STEAP2: variants seen among roughly 807,000 people sequenced by gnomAD.
The protein encoded by STEAP2 is metalloreductase STEAP2.
In STEAP2, 30 loss-of-function variants were observed where a neutral mutation model predicts 46.4. The ratio of observed to expected loss-of-function variants is 0.65; its 90% CI spans 0.48 to 0.88. The LOEUF (loss-of-function observed/expected upper bound fraction) is 0.88. Ranked by LOEUF, STEAP2 falls within the 40% of genes least tolerant of loss-of-function variation. The probability of loss-of-function intolerance (pLI) is 0.00; values close to 1 mark genes in which losing one functional copy is unlikely to be tolerated. For synonymous variants in STEAP2, 180 were observed against 200.5 expected (o/e 0.90, Z 0.86); for missense variants, 513 against 579.3 (o/e 0.89, Z 1.18).
chr7:90,235,683 G>C lies in STEAP2; in HGVS notation c.*3059G>C. 1.1e-6 allele frequency: 1 copy of C among 899,330 alleles called. No homozygotes were observed. Among genetic ancestry groups the C allele is most frequent in the Non-Finnish European group, 1.3e-6 (1 of 751,866 alleles). 55.7% of individuals were successfully genotyped at this position (899,330 alleles called of 1,614,324 possible). Reference sequence around the variant, plus strand: ...ACCATGAGCTGTATCATGCTACTTAGCTTTTATGTAAATATTTCTTATGTC... The same window carrying C: ...ACCATGAGCTGTATCATGCTACTTACCTTTTATGTAAATATTTCTTATGTC... On this transcript the variant is annotated 3_prime_UTR_variant, in exon 6 of 6. Transcript: ENST00000394621.
chr7:90,232,957 A>T lies in STEAP2; in HGVS notation c.*333A>T, dbSNP rs1795822893. ...AGATATAATGTTAAAAACAATTTGC[A>T]AACCAGCAGAATTTTAAGCTTTTAA... On this transcript the variant is annotated 3_prime_UTR_variant, in exon 6 of 6. Transcript: ENST00000394621. 1 of 975,868 alleles carries T rather than the reference A, an allele frequency of 1.0e-6. No individual in the cohort carries two copies. The highest frequency in any genetic ancestry group is 1.2e-6 in the Non-Finnish European group (1 of 819,632). The allele number at this position is 975,868 out of a possible 1,614,324, so 60.5% of individuals were successfully genotyped here. A position where few individuals can be genotyped will look rare whatever the true frequency, so the allele number is the denominator to read the frequency against.
chr7:90,234,987 A>G lies in STEAP2; in HGVS notation c.*2363A>G. 7.2e-6 allele frequency: 7 copies of G among 970,094 alleles called. No individual in the cohort carries two copies. Among genetic ancestry groups the G allele is most frequent in the Non-Finnish European group, 7.4e-6 (6 of 815,886 alleles). 60.1% of individuals were successfully genotyped at this position (970,094 alleles called of 1,614,324 possible). A position where few individuals can be genotyped will look rare whatever the true frequency, so the allele number is the denominator to read the frequency against. ...TAACTTTTATGGGCAAAAACATTCT[A>G]TTATAGTGAACTAATGAAAATAACA... On this transcript the variant is annotated 3_prime_UTR_variant, in exon 6 of 6. Coordinates refer to ENST00000394621, the MANE Select transcript of STEAP2 (RefSeq NM_001244944.2).
Position 90,232,041 on chromosome 7 carries a change from T to G in STEAP2, c.1186-296T>G, listed in dbSNP as rs191402419. Among the ~76,000 whole-genome samples the G allele has an allele frequency of 1.8e-3, 278 of 152,122 alleles. 4 individuals carry two copies. The highest frequency in any genetic ancestry group is 0.016 in the Admixed American group (249 of 15,282). ...TACAGTATTAATGTCATTTTCATAT[T>G]TAATGACATGAGGAAAATGTTCTTG... On this transcript the variant is annotated intron_variant, in intron 5 of 5. Coordinates refer to ENST00000394621, the MANE Select transcript of STEAP2 (RefSeq NM_001244944.2).
rs1795962923 is a variant in STEAP2, at chr7:90,236,433, G to T, written c.*3809G>T. ...TACATAGTATAACACACCTCACAGT[G>T]TTAAGATTTATATTGTGAAATGAGA... On this transcript the variant is annotated 3_prime_UTR_variant, in exon 6 of 6. Transcript: ENST00000394621. The T allele has an allele frequency of 1.0e-6, 1 of 991,626 alleles. No homozygotes were observed. Among genetic ancestry groups the T allele is most frequent in the African/African-American group, 1.7e-5 (1 of 57,380 alleles). 61.4% of individuals were successfully genotyped at this position (991,626 alleles called of 1,614,324 possible). A position where few individuals can be genotyped will look rare whatever the true frequency, so the allele number is the denominator to read the frequency against.
chr7:90,231,735 T>C (rs1214646993), intron 5 of STEAP2, among the ~76,000 whole-genome samples: 1 of 152,052 alleles, frequency 6.6e-6, no homozygotes, highest in East Asian at 1.9e-4. Context: ...TGTGTATGTG[T>C]ATACACACAC....
chr7:90,225,361 A>G lies in STEAP2; in HGVS notation c.279A>G (p.Ile93Met), dbSNP rs977254802. 1.2e-6 allele frequency: 2 copies of G among 1,613,890 alleles called. No individual in the cohort carries two copies. Among genetic ancestry groups the G allele is most frequent in the African/African-American group, 2.7e-5 (2 of 75,018 alleles). Residue 93 changes from isoleucine to methionine, a missense_variant, in exon 3 of 6, where the codon ATA (isoleucine) becomes ATG (methionine). Transcript: ENST00000394621. Reference sequence around the variant, plus strand: ...AAACAAATATAATATTTGTTGCTATACACAGAGAACATTATACCTCCCTGT... The same window carrying G: ...AAACAAATATAATATTTGTTGCTATGCACAGAGAACATTATACCTCCCTGT... Reference protein sequence around the residue: ...LTKTNIIFVAIHREHYTSLWD... With the variant: ...LTKTNIIFVAMHREHYTSLWD...
chr7:90,226,040 C>T (rs1795475257), intron 3 of STEAP2, among the ~76,000 whole-genome samples: 1 of 152,100 alleles, frequency 6.6e-6, no homozygotes, highest in Non-Finnish European at 1.5e-5. Flanking sequence ...CATTTACTTT[C>T]CAGTCTTTAT....
In STEAP2 at chr7:90,236,991, G is replaced by T; in HGVS notation, c.*4367G>T. On this transcript the variant is annotated 3_prime_UTR_variant, in exon 6 of 6. Transcript: ENST00000394621. ...AAGCGGCTGCCCATTACATTCCTCA[G>T]CTGTCCTTGCAGTTAGGTGTACATG... is the stretch of plus-strand genomic sequence containing the variant. The T allele has an allele frequency of 6.2e-7, 1 of 1,609,146 alleles. No homozygotes were observed. Among genetic ancestry groups the T allele is most frequent in the Non-Finnish European group, 8.5e-7 (1 of 1,175,978 alleles).
chr7:90,240,669 G>A (rs991886630), downstream of STEAP2, among the ~76,000 whole-genome samples: 2 of 152,038 alleles, frequency 1.3e-5, no homozygotes, highest in Non-Finnish European at 2.9e-5. This position sits in a 1 kb window ranked among gnomAD's most constrained non-coding sequence, Gnocchi z 4.1. Context: ...AACATTTTTA[G>A]CTTTCTTTGT....
Position 90,226,952 on chromosome 7 carries a change from C to G in STEAP2, c.493-19C>G. 1.3e-6 allele frequency: 2 copies of G among 1,545,048 alleles called. No homozygotes were observed. Among genetic ancestry groups the G allele is most frequent in the Non-Finnish European group, 1.7e-6 (2 of 1,150,544 alleles). The stretch of plus-strand genomic sequence containing the variant: ...ATAAACAACAATGGTAATGCTGAGT[C>G]TTTTTGTTTTTTCCACAGGTTTATA... On this transcript the variant is annotated intron_variant, in intron 3 of 5. Transcript: ENST00000394621.
intron 1 of STEAP2, among the ~76,000 whole-genome samples, chr7:90,213,560 T>C (rs1794900312): frequency 6.6e-6 from 1 of 152,156 alleles, no homozygotes; most frequent in African/African-American, 2.4e-5. Context: ...CCCACATGTG[T>C]TTTCAGCAAA....
At chr7:90,230,294 A>G (rs943832349) in intron 5 of STEAP2, among the ~76,000 whole-genome samples, 2 of 151,896 alleles carry the variant, frequency 1.3e-5, no homozygotes, top group African/African-American at 4.8e-5. Flanking sequence ...GTTATCTTAA[A>G]AGAGAAAAAA....
chr7:90,225,202 T>A lies in STEAP2; in HGVS notation c.120T>A (p.Asp40Glu). 1.9e-6 allele frequency: 3 copies of A among 1,613,960 alleles called. No homozygotes were observed. Among genetic ancestry groups the A allele is most frequent in the Non-Finnish European group, 2.5e-6 (3 of 1,179,936 alleles). The change falls in exon 3 of 6, where the codon GAT becomes GAA. Residue 40 changes from aspartate to glutamate, a missense_variant. By Grantham distance (45) the Asp-to-Glu change is conservative. Coordinates refer to ENST00000394621, the MANE Select transcript of STEAP2 (RefSeq NM_001244944.2). ...CTGTAGGTGTGATTGGAAGTGGAGA[T>A]TTTGCCAAATCCTTGACCATTCGAC... ...KVTVGVIGSG[D>E]FAKSLTIRLI...
intron 1 of STEAP2, chr7:90,213,876 G>A (rs978863564): frequency 5.9e-5 from 9 of 152,232 alleles, no homozygotes; most frequent in African/African-American, 2.2e-4. Context: ...TAAAGTGGTT[G>A]TTGTTTTCTC....
chr7:90,232,970 T>C lies in STEAP2; in HGVS notation c.*346T>C. 1.0e-6 allele frequency: 1 copy of C among 969,076 alleles called. No individual in the cohort carries two copies. The highest frequency in any genetic ancestry group is 1.2e-6 in the Non-Finnish European group (1 of 813,918). 60.0% of individuals were successfully genotyped at this position (969,076 alleles called of 1,614,324 possible). ...AAAACAATTTGCAAACCAGCAGAATTTTAAGCTTTTAAAATAATTCAATGG... is the reference window on the plus strand; with the variant it reads ...AAAACAATTTGCAAACCAGCAGAATCTTAAGCTTTTAAAATAATTCAATGG... On this transcript the variant is annotated 3_prime_UTR_variant, in exon 6 of 6. Transcript: ENST00000394621.
In STEAP2 at chr7:90,233,779, G is replaced by A. The variant is rs938245520; in HGVS notation, c.*1155G>A. The A allele has an allele frequency of 6.1e-6, 6 of 985,160 alleles. No individual in the cohort carries two copies. Among genetic ancestry groups the A allele is most frequent in the African/African-American group, 1.7e-5 (1 of 57,180 alleles). The allele number at this position is 985,160 out of a possible 1,614,324, so 61.0% of individuals were successfully genotyped here. A position where few individuals can be genotyped will look rare whatever the true frequency, so the allele number is the denominator to read the frequency against. On this transcript the variant is annotated 3_prime_UTR_variant, in exon 6 of 6. Coordinates refer to ENST00000394621, the MANE Select transcript of STEAP2 (RefSeq NM_001244944.2). ...CACTAGGCTCTAGAGCTCCCGCCGCGCCCCTATGCATTATGTTCACAATGC... is the reference window on the plus strand; with the variant it reads ...CACTAGGCTCTAGAGCTCCCGCCGCACCCCTATGCATTATGTTCACAATGC...
At chr7:90,216,780 T>G (rs1216172862) in intron 2 of STEAP2, among the ~76,000 whole-genome samples, 177 bp downstream of exon 2, 1 of 152,202 alleles carries the variant, frequency 6.6e-6, no homozygotes, top group African/African-American at 2.4e-5. Flanking sequence ...ATAAAACATC[T>G]GCTAATCTTT....
downstream of STEAP2, among the ~76,000 whole-genome samples, chr7:90,239,018 T>C (rs1405896444): frequency 6.6e-6 from 1 of 152,242 alleles, no homozygotes; most frequent in African/African-American, 2.4e-5. Flanking sequence ...TTAAACATAC[T>C]TTATTCTTGA....
Position 90,227,453 on chromosome 7 carries a change from G to A in STEAP2, c.975G>A (p.Met325Ile), listed in dbSNP as rs780799112. ...VHVAYSLCLPMRRSERYLFLN... is the reference protein window; with the variant it reads ...VHVAYSLCLPIRRSERYLFLN... ...TTGCCTACAGCCTCTGCTTACCGATGAGAAGGTCAGAGAGATATTTGTTTC... is the reference window on the plus strand; with the variant it reads ...TTGCCTACAGCCTCTGCTTACCGATAAGAAGGTCAGAGAGATATTTGTTTC... Residue 325 changes from methionine (M) to isoleucine (I), a missense_variant, in exon 4 of 6, where the codon ATG (methionine) becomes ATA (isoleucine). By Grantham distance (10) the Met-to-Ile change is conservative (BLOSUM62 1). Coordinates refer to ENST00000394621, the MANE Select transcript of STEAP2 (RefSeq NM_001244944.2). 5 of 1,599,182 alleles carry A rather than the reference G, an allele frequency of 3.1e-6. No individual in the cohort carries two copies. In the African/African-American group the frequency reaches 6.7e-5, roughly 21 times the overall value.
Sources: allele counts gnomAD v4.1 joint callset (sites outside exome capture counted in the v4.1 genomes callset), GRCh38; gene constraint gnomAD v4.1.1; non-coding constraint Gnocchi (gnomAD v3.1); transcripts MANE v1.5; gene names NCBI Gene and HGNC (gene_info 2026-07-23, HGNC 2026-07-21).